The following FBXO21 variants were observed in gnomAD, a reference collection of about 807,000 sequenced individuals.
FBXO21 encodes F-box protein 21.
In FBXO21, 32 loss-of-function variants were observed where a neutral mutation model predicts 76.6. The observed-to-expected ratio is 0.42, with a 90% CI of 0.32 to 0.56. FBXO21 has a LOEUF of 0.56. FBXO21 is among the 20% of genes least tolerant of loss of function. FBXO21 has a pLI of 0.16. For missense variants in FBXO21, 586 were observed against 797.3 expected (o/e 0.73, Z 3.19); for synonymous variants, 328 against 311.5 (o/e 1.05, Z -0.56).
rs1390218563 is a variant in FBXO21, at chr12:117,143,202, G to A, written c.*2885C>T. 1 of 152,186 alleles carries A rather than the reference G, an allele frequency of 6.6e-6. No homozygotes were observed. Among genetic ancestry groups the A allele is most frequent in the Non-Finnish European group, 1.5e-5 (1 of 68,038 alleles). 9.4% of individuals were successfully genotyped at this position (152,186 alleles called of 1,614,324 possible). A position where few individuals can be genotyped will look rare whatever the true frequency, so the allele number is the denominator to read the frequency against. Reference sequence around the variant, plus strand: ...TGTCTGCAAACACCGGACCCCCGGGGACGGTGCGTGCGTGTAGGGGAGGGA... The same window carrying A: ...TGTCTGCAAACACCGGACCCCCGGGAACGGTGCGTGCGTGTAGGGGAGGGA... On this transcript the variant is annotated 3_prime_UTR_variant, in exon 12 of 12. Coordinates refer to ENST00000622495, the MANE Select transcript of FBXO21 (RefSeq NM_015002.3).
chr12:117,152,529 A>AG (rs75368425), intron 11 of FBXO21, among the ~76,000 whole-genome samples: 24,182 of 143,578 alleles, frequency 0.17, 2,465 homozygotes, highest in East Asian at 0.43. Context: ...CATATGAAAA[A>AG]GGGGGGAAAA....
At chr12:117,167,165 G>A (rs1257537808) in intron 7 of FBXO21, 88 bp from the exon 8 acceptor site, 4 of 973,962 alleles carry the variant, frequency 4.1e-6, no homozygotes, top group Non-Finnish European at 6.2e-6. Context: ...TGGGCTGAAG[G>A]TTGAGACCAT....
rs59583452 is a variant in FBXO21, at chr12:117,176,605, G to C, written c.592+915C>G. On this transcript the variant is annotated intron_variant, in intron 4 of 11. Transcript: ENST00000622495. ...GTATTTTGGCTGACTTGGAGGGAAGGGGGGGTAATGTTCATGAAAGCAAGT... is the reference window on the plus strand; with the variant it reads ...GTATTTTGGCTGACTTGGAGGGAAGCGGGGGTAATGTTCATGAAAGCAAGT... 9.3e-3 allele frequency among the ~76,000 whole-genome samples: 1,419 copies of C among 151,946 alleles called. 19 individuals carry two copies. The highest frequency in any genetic ancestry group is 0.074 in the South Asian group (356 of 4,812).
At chr12:117,187,070 T>C (rs1208665243) in intron 2 of FBXO21, among the ~76,000 whole-genome samples, 15 of 147,210 alleles carry the variant, frequency 1.0e-4, no homozygotes, top group Non-Finnish European at 1.8e-4. Flanking sequence ...GAGCCAAGAT[T>C]GCGCCATTGC....
At chr12:117,167,132 T>G in intron 7 of FBXO21, 55 bp from the exon 8 acceptor site, 1 of 1,382,460 alleles carries the variant, frequency 7.2e-7, no homozygotes, top group Non-Finnish European at 1.0e-6. Context: ...ATTTTAAGTC[T>G]CCACAGTAAG....
intron 11 of FBXO21, among the ~76,000 whole-genome samples, chr12:117,146,978 T>G (rs954139298): frequency 1.3e-5 from 2 of 152,086 alleles, no homozygotes; most frequent in Non-Finnish European, 2.9e-5. Context: ...AGCAGTGGCT[T>G]ATACCTGTAA....
rs1955935934 is a variant in FBXO21, at chr12:117,157,964, T to C, written c.1426A>G (p.Lys476Glu). Residue 476 changes from lysine (K) to glutamate (E), a missense_variant, in exon 10 of 12, where the codon AAG becomes GAG. By Grantham distance (56) the Lys-to-Glu change is moderately conservative. This residue lies in a region of FBXO21 where 164 missense variants were observed against 236.7 expected (regional missense o/e 0.69). Transcript: ENST00000622495. ...QHTLEHIERK[K>E]EEVGVEVKLR... ...TTCACCTCTACGCCCACCTCCTCCT[T>C]TTTGCGCTCAATGTGCTCTAGAGTG... 6.2e-7 allele frequency: 1 copy of C among 1,614,120 alleles called. No individual in the cohort carries two copies. Among genetic ancestry groups the C allele is most frequent in the Non-Finnish European group, 8.5e-7 (1 of 1,180,012 alleles).
intron 9 of FBXO21, among the ~76,000 whole-genome samples, chr12:117,164,109 A>T (rs557063226): frequency 6.6e-6 from 1 of 151,664 alleles, no homozygotes; most frequent in East Asian, 1.9e-4. Context: ...AAAAAAAAAA[A>T]AAAATTAAAA....
Position 117,172,453 on chromosome 12 carries a change from T to C in FBXO21, c.1013+18A>G, listed in dbSNP as rs749187080. On this transcript the variant is annotated intron_variant, in intron 7 of 11. Transcript: ENST00000622495. ...ACCAAATCTTCAGGACCACAGATAA[T>C]GTGTCACGGATGCTCACCCTTCTGC... is the stretch of plus-strand genomic sequence containing the variant. 3.1e-6 allele frequency: 5 copies of C among 1,607,558 alleles called. No homozygotes were observed. The highest frequency in any genetic ancestry group is 4.3e-6 in the Non-Finnish European group (5 of 1,175,562).
intron 11 of FBXO21, among the ~76,000 whole-genome samples, chr12:117,152,626 A>C (rs4767502): frequency 0.59 from 89,501 of 151,958 alleles, 27,216 homozygotes; most frequent in African/African-American, 0.74. Context: ...CTGGTTGGAT[A>C]CTGATTTTAA....
chr12:117,189,408 C>T, intron 1 of FBXO21, 46 bp from the exon 2 acceptor site: 2 of 1,610,588 alleles, frequency 1.2e-6, no homozygotes, highest in African/African-American at 1.3e-5. Context: ...AACTCAAAGG[C>T]AGGCGGCCAC....
chr12:117,164,744 C>T (rs1449505615), intron 9 of FBXO21, among the ~76,000 whole-genome samples: 2 of 152,180 alleles, frequency 1.3e-5, no homozygotes, highest in African/African-American at 4.8e-5. Context: ...TCTCTAATGA[C>T]ACAGGGAGAT....
At chr12:117,183,677 T>C (rs1357458596) in intron 3 of FBXO21, among the ~76,000 whole-genome samples, 1 of 152,250 alleles carries the variant, frequency 6.6e-6, no homozygotes, top group Non-Finnish European at 1.5e-5. Flanking sequence ...TCTCTTGAGT[T>C]CTACTGACTT....
rs1021995963 is a variant in FBXO21 at position 117,172,190 on chromosome 12, G to C, written c.1013+281C>G. Among the ~76,000 whole-genome samples, 5 of 152,182 alleles carry C rather than the reference G, an allele frequency of 3.3e-5. No homozygotes were observed. The South Asian group carries it at 1.0e-3, about 32-fold the overall frequency. ...TATTTTTTAAAATTAAACTTTTTGA[G>C]ATAAATGTAGATTCACACATGCAGT... On this transcript the variant is annotated intron_variant, in intron 7 of 11. Transcript: ENST00000622495.
intron 1 of FBXO21, 63 bp downstream of exon 1, chr12:117,190,133 CGCGGGGAGCTAGCGGGGCGGCT>C: frequency 2.1e-5 from 15 of 699,160 alleles, no homozygotes; most frequent in Non-Finnish European, 2.5e-5. Flanking sequence ...GCGGGGCGGC[CGCGGGGAGCTAGCGGGGCGGCT>C]GCCCGGCCCC....
intron 4 of FBXO21, 147 bp from the exon 5 acceptor site, chr12:117,174,944 A>T (rs531353022): frequency 1.6e-6 from 1 of 610,566 alleles, no homozygotes; most frequent in African/African-American, 1.9e-5. Context: ...CTTGCTGCTA[A>T]CACACTGAGA....
At chr12:117,161,330 G>T (rs554144721) in intron 9 of FBXO21, among the ~76,000 whole-genome samples, 3 of 152,196 alleles carry the variant, frequency 2.0e-5, no homozygotes, top group Admixed American at 2.0e-4. Context: ...GTGGGTGCAG[G>T]AGAGGACCAA....
intron 11 of FBXO21, 83 bp downstream of exon 11, chr12:117,155,708 C>A: frequency 1.4e-6 from 2 of 1,448,726 alleles, no homozygotes; most frequent in South Asian, 1.3e-5. Flanking sequence ...ATGGCCCACG[C>A]CCACAGTACC....
At chr12:117,147,497 G>T (rs1338858022) in intron 11 of FBXO21, among the ~76,000 whole-genome samples, 1 of 148,638 alleles carries the variant, frequency 6.7e-6, no homozygotes, top group Non-Finnish European at 1.5e-5. Context: ...TACTTGGGAG[G>T]CTGAGGCAGA....
Sources: allele counts gnomAD v4.1 joint callset (sites outside exome capture counted in the v4.1 genomes callset), GRCh38; gene constraint gnomAD v4.1.1; regional missense constraint gnomAD v4.1.1; transcripts MANE v1.5; gene names NCBI Gene and HGNC (gene_info 2026-07-23, HGNC 2026-07-21).